The following SLC2A5 variants were observed in gnomAD, a reference collection of about 807,000 sequenced individuals.
The protein encoded by SLC2A5 is solute carrier family 2 member 5.
A neutral mutation model predicts 50.3 loss-of-function variants in SLC2A5; 56 were observed. The observed-to-expected ratio is 1.11, with a 90% CI of 0.90 to 1.39. SLC2A5 has a LOEUF of 1.39. SLC2A5 is among the 40% of genes most tolerant of loss of function. The pLI, the probability that SLC2A5 is intolerant of heterozygous loss-of-function variation, is 0.00. For missense variants in SLC2A5, 566 were observed against 650.1 expected, an observed-to-expected ratio of 0.87 and a Z score of 1.41; for synonymous variants, 269 against 281.9, an observed-to-expected ratio of 0.95 and a Z score of 0.46.
intron 4 of SLC2A5, among the ~76,000 whole-genome samples, chr1:9,046,500 A>G (rs1206395657): frequency 6.6e-6 from 1 of 152,226 alleles, no homozygotes; most frequent in African/African-American, 2.4e-5. Flanking sequence ...AATAGAACTC[A>G]GTACGCCCTT....
upstream of SLC2A5, among the ~76,000 whole-genome samples, chr1:9,070,732 A>G (rs560694216): frequency 6.6e-6 from 1 of 152,218 alleles, no homozygotes; most frequent in Non-Finnish European, 1.5e-5. Flanking sequence ...TCTTTAAACA[A>G]GCAGAGACTG....
In SLC2A5 at chr1:9,061,500, C is replaced by T. The variant is rs1433066176; in HGVS notation, c.34-3250G>A. On this transcript the variant is annotated intron_variant, in intron 1 of 11. Coordinates refer to ENST00000377424, the MANE Select transcript of SLC2A5 (RefSeq NM_003039.3). Reference sequence around the variant, plus strand: ...ACACGCCTGTGGTCCCAGCTACTCACGAGGCTGAGGTGGGAGGATCACTTG... The same window carrying T: ...ACACGCCTGTGGTCCCAGCTACTCATGAGGCTGAGGTGGGAGGATCACTTG... Among the ~76,000 whole-genome samples the T allele has an allele frequency of 4.2e-5, 6 of 142,230 alleles. 1 individual carries two copies. The South Asian group carries it at 1.1e-3, about 27-fold the overall frequency. 93.3% of individuals were successfully genotyped at this position (142,230 alleles called of 152,430 possible).
rs568306037 is a variant in SLC2A5, at chr1:9,066,979, A to C, written c.33+2525T>G. Among the ~76,000 whole-genome samples, 1,126 of 148,992 alleles carry C rather than the reference A, an allele frequency of 7.6e-3. 48 individuals are homozygous for C. The highest frequency in any genetic ancestry group is 0.067 in the Admixed American group (1,007 of 14,992). ...GCCAACAGAGTAAGACCCTGTCTCA[A>C]AATTAAAAAAAAAAAAAAAGGAAAA... On this transcript the variant is annotated intron_variant, in intron 1 of 11. Coordinates refer to ENST00000377424, the MANE Select transcript of SLC2A5 (RefSeq NM_003039.3).
At chr1:9,041,386 C>T (rs1641297860) in intron 5 of SLC2A5, 1 of 969,330 alleles carries the variant, frequency 1.0e-6, no homozygotes, top group Non-Finnish European at 1.3e-6. Flanking sequence ...ATGGGATAAT[C>T]ACTGAGTCCC....
chr1:9,050,449 C>A (rs1641541201), intron 3 of SLC2A5, among the ~76,000 whole-genome samples: 1 of 151,540 alleles, frequency 6.6e-6, no homozygotes, highest in African/African-American at 2.4e-5. Flanking sequence ...AGAGTGACAC[C>A]CTGTCTCAAA....
chr1:9,052,556 G>C (rs1175806129), intron 3 of SLC2A5, among the ~76,000 whole-genome samples: 1 of 152,116 alleles, frequency 6.6e-6, no homozygotes, highest in African/African-American at 2.4e-5. Context: ...TATGAACCTT[G>C]GGTGATGATA....
At chr1:9,046,466 C>T (rs184118840) in intron 4 of SLC2A5, among the ~76,000 whole-genome samples, 21 of 152,286 alleles carry the variant, frequency 1.4e-4, no homozygotes, top group Middle Eastern at 3.4e-3. Flanking sequence ...AGTCAGCACC[C>T]GCTCAGCAGG....
chr1:9,071,408 C>T (rs1642208414), upstream of SLC2A5, among the ~76,000 whole-genome samples: 1 of 152,188 alleles, frequency 6.6e-6, no homozygotes, highest in Non-Finnish European at 1.5e-5. Context: ...AGACTCATCT[C>T]CGTCCCCCAT....
chr1:9,047,495 T>G, intron 4 of SLC2A5, 115 bp downstream of exon 4: 4 of 1,069,306 alleles, frequency 3.7e-6, no homozygotes, highest in Non-Finnish European at 4.1e-6. Flanking sequence ...AGCAGAGGTA[T>G]AGGAACGCTT....
intron 10 of SLC2A5, 116 bp from the exon 11 acceptor site, chr1:9,038,140 T>C: frequency 8.0e-7 from 1 of 1,249,786 alleles, no homozygotes; most frequent in South Asian, 1.5e-5. Context: ...CCAGGACTCT[T>C]GGGCATGTGG....
chr1:9,070,568 C>T (rs1389047493), upstream of SLC2A5, among the ~76,000 whole-genome samples: 4 of 152,168 alleles, frequency 2.6e-5, no homozygotes, highest in African/African-American at 9.7e-5. Context: ...ATGTTTGGCA[C>T]TCATTCAGCT....
intron 1 of SLC2A5, among the ~76,000 whole-genome samples, chr1:9,061,849 C>A (rs1388172368): frequency 1.3e-5 from 2 of 152,126 alleles, no homozygotes; most frequent in Non-Finnish European, 2.9e-5. Context: ...CTGCCAGGCA[C>A]CATGGAGAGC....
At chr1:9,084,425 T>C (rs374719671) in intron 2 of SLC2A5, among the ~76,000 whole-genome samples, 81 of 152,362 alleles carry the variant, frequency 5.3e-4, no homozygotes, top group African/African-American at 1.8e-3. Flanking sequence ...TTCACTATTT[T>C]CTGACTTGTC....
intron 2 of SLC2A5, among the ~76,000 whole-genome samples, chr1:9,084,786 T>C (rs1642387416): frequency 6.6e-6 from 1 of 152,226 alleles, no homozygotes; most frequent in Non-Finnish European, 1.5e-5. Flanking sequence ...CCAGCCCCCG[T>C]TGGTCTGGAA....
chr1:9,053,114 T>A (rs867752389), intron 3 of SLC2A5, among the ~76,000 whole-genome samples: 2,253 of 103,792 alleles, frequency 0.022, 108 homozygotes, highest in African/African-American at 0.083. Flanking sequence ...ATAATATATA[T>A]TATATATTTA....
At chr1:9,093,175 G>A (rs577249951), upstream of SLC2A5, among the ~76,000 whole-genome samples, 4 of 152,126 alleles carry the variant, frequency 2.6e-5, no homozygotes, top group Admixed American at 6.5e-5. Context: ...AGGAGACTGG[G>A]TTCTAGTAAA....
intron 4 of SLC2A5, among the ~76,000 whole-genome samples, chr1:9,046,673 T>A (rs1307350881): frequency 7.3e-6 from 1 of 137,238 alleles, no homozygotes; most frequent in Non-Finnish European, 1.6e-5. Flanking sequence ...CTCGTGTGTG[T>A]GTGTGTGTGT....
At chr1:9,058,130 C>G in intron 2 of SLC2A5, 22 bp downstream of exon 2, 1 of 1,584,916 alleles carries the variant, frequency 6.3e-7, no homozygotes, top group Non-Finnish European at 8.7e-7. Context: ...CTCCCCACAT[C>G]TTGCTCACCA....
At chr1:9,058,619 A>G (rs527437592) in intron 1 of SLC2A5, among the ~76,000 whole-genome samples, 3 of 152,342 alleles carry the variant, frequency 2.0e-5, no homozygotes, top group African/African-American at 7.2e-5. Flanking sequence ...TGGATCAGAG[A>G]GAAGCTGAAA....
Sources: gnomAD v4.1 joint callset for allele counts (sites outside exome capture counted in the v4.1 genomes callset) on GRCh38, gnomAD v4.1.1 for gene constraint, MANE v1.5 for transcripts, NCBI Gene and HGNC (gene_info 2026-07-23, HGNC 2026-07-21) for gene names.